The following DYNC1I2 variants were observed in gnomAD, a reference collection of about 807,000 sequenced individuals.
DYNC1I2 encodes cytoplasmic dynein 1 intermediate chain 2.
DYNC1I2 carries 53 observed loss-of-function variants against 88.6 expected under a neutral mutation model. That is an observed-to-expected ratio of 0.60 (90% CI 0.48 to 0.75). The LOEUF (loss-of-function observed/expected upper bound fraction) is 0.75, where lower values mean the gene tolerates loss of function less well. Ranked by LOEUF, DYNC1I2 falls within the 30% of genes least tolerant of loss-of-function variation. DYNC1I2 has a pLI of 0.00. For missense variants in DYNC1I2, 458 were observed against 766.6 expected (o/e 0.60, Z 4.75); for synonymous variants, 198 against 254.6 (o/e 0.78, Z 2.12).
At chr2:171,733,756 A>AG (rs1166369454) in intron 15 of DYNC1I2, among the ~76,000 whole-genome samples, 2 of 136,628 alleles carry the variant, frequency 1.5e-5, no homozygotes, top group Non-Finnish European at 3.2e-5. Flanking sequence ...TTTGTTTTTT[A>AG]GGGGTTTTTT....
intron 17 of DYNC1I2, 54 bp from the exon 18 acceptor site, chr2:171,747,722 G>A: frequency 7.9e-7 from 1 of 1,270,492 alleles, no homozygotes; most frequent in Non-Finnish European, 1.1e-6. Flanking sequence ...AATAATAGTG[G>A]GTAAAATGAT....
chr2:171,696,336 T>G (rs911618351), intron 3 of DYNC1I2, among the ~76,000 whole-genome samples: 1 of 152,148 alleles, frequency 6.6e-6, no homozygotes, highest in African/African-American at 2.4e-5. Flanking sequence ...AAATACTGAT[T>G]AGAGAATTTC....
chr2:171,700,015 G>T (rs1331925635), intron 3 of DYNC1I2, among the ~76,000 whole-genome samples: 3 of 151,962 alleles, frequency 2.0e-5, no homozygotes, highest in African/African-American at 7.3e-5. Context: ...AGTTTCTGCT[G>T]GTCAAGAATT....
chr2:171,732,815 T>G (rs899034422), intron 15 of DYNC1I2, among the ~76,000 whole-genome samples: 24 of 152,232 alleles, frequency 1.6e-4, no homozygotes, highest in African/African-American at 5.5e-4. Flanking sequence ...CACATTTTTG[T>G]TAGATTGTTG....
intron 7 of DYNC1I2, among the ~76,000 whole-genome samples, chr2:171,716,584 A>G (rs1303996555): frequency 6.6e-6 from 1 of 152,204 alleles, no homozygotes; most frequent in Non-Finnish European, 1.5e-5. Flanking sequence ...GAAAATCTTT[A>G]AATTTTCATA....
At chr2:171,700,471 A>C (rs574421293) in intron 3 of DYNC1I2, among the ~76,000 whole-genome samples, 56 of 152,178 alleles carry the variant, frequency 3.7e-4, no homozygotes, top group Non-Finnish European at 6.8e-4. Context: ...TTCAACATTT[A>C]AAAAAATCGT....
At chr2:171,727,500 C>T (rs1172989597) in intron 11 of DYNC1I2, among the ~76,000 whole-genome samples, 4 of 152,110 alleles carry the variant, frequency 2.6e-5, no homozygotes, top group Admixed American at 2.0e-4. Flanking sequence ...TGTTAGATTA[C>T]TGTCAGAGTC....
At chr2:171,708,630 A>T (rs182630803) in intron 5 of DYNC1I2, among the ~76,000 whole-genome samples, 14 of 152,218 alleles carry the variant, frequency 9.2e-5, no homozygotes, top group African/African-American at 3.4e-4. Flanking sequence ...ATTCATTTTT[A>T]TAGGGTTAAA....
intron 15 of DYNC1I2, among the ~76,000 whole-genome samples, chr2:171,737,765 G>C (rs1689112633): frequency 1.3e-5 from 2 of 151,188 alleles, no homozygotes; most frequent in Admixed American, 1.3e-4. Flanking sequence ...AGTGCATCCT[G>C]TTTTTGTCTC....
chr2:171,698,256 C>G (rs938710972), intron 3 of DYNC1I2, among the ~76,000 whole-genome samples: 3 of 152,188 alleles, frequency 2.0e-5, no homozygotes, highest in Non-Finnish European at 4.4e-5. Flanking sequence ...TAAAGGGGAG[C>G]TTTCTCTCAA....
At chr2:171,742,067 G>GA (rs71013069) in intron 15 of DYNC1I2, among the ~76,000 whole-genome samples, 378 of 130,892 alleles carry the variant, frequency 2.9e-3, no homozygotes, top group African/African-American at 9.7e-3. Flanking sequence ...CGCGGTCTCA[G>GA]AAAAAAAAAA....
intron 5 of DYNC1I2, 127 bp downstream of exon 5, chr2:171,707,504 C>A: frequency 1.3e-6 from 1 of 745,062 alleles, no homozygotes; most frequent in Non-Finnish European, 1.9e-6. Flanking sequence ...TCTAAAATGG[C>A]ATAGAAATTC....
Position 171,706,995 on chromosome 2 carries a change from TG to T in DYNC1I2, c.245-291del, listed in dbSNP as rs1203406705. ...TTTGAAAATTAGTGGCCACATTTGG[TG>T]ATGGATGAGATGAAGATGCATCCTT... On this transcript the variant is annotated intron_variant, in intron 4 of 17. Coordinates refer to ENST00000397119, the MANE Select transcript of DYNC1I2 (RefSeq NM_001378.3). The T allele has an allele frequency of 5.9e-6, 3 of 505,326 alleles. No homozygotes were observed. In the African/African-American group the frequency reaches 5.9e-5, roughly 10 times the overall value. 31.3% of individuals were successfully genotyped at this position (505,326 alleles called of 1,614,324 possible). A position where few individuals can be genotyped will look rare whatever the true frequency, so the allele number is the denominator to read the frequency against.
chr2:171,715,529 G>T, intron 7 of DYNC1I2, 86 bp downstream of exon 7: 1 of 964,312 alleles, frequency 1.0e-6, no homozygotes, highest in Non-Finnish European at 1.5e-6. Flanking sequence ...TTTTTGTTTT[G>T]TTTCTTTTTT....
At chr2:171,689,494 A>G (rs1685220415) in intron 1 of DYNC1I2, among the ~76,000 whole-genome samples, 1 of 152,186 alleles carries the variant, frequency 6.6e-6, no homozygotes, top group Non-Finnish European at 1.5e-5. Flanking sequence ...CTAAATGCCA[A>G]ACCATGTCCT....
At chr2:171,714,554 C>T (rs1687353870) in intron 6 of DYNC1I2, among the ~76,000 whole-genome samples, 1 of 152,068 alleles carries the variant, frequency 6.6e-6, no homozygotes, top group Non-Finnish European at 1.5e-5. Flanking sequence ...TAAAAGATCT[C>T]CCAGATAGCT....
At chr2:171,695,449 G>C (rs149457824) in intron 3 of DYNC1I2, among the ~76,000 whole-genome samples, 194 of 152,070 alleles carry the variant, frequency 1.3e-3, no homozygotes, top group African/African-American at 4.5e-3. Flanking sequence ...TGTTTTTCAA[G>C]GTTTCACATA....
rs1237353958 is a variant in DYNC1I2, at chr2:171,687,480, T to G, written c.-157T>G. 6.6e-6 allele frequency: 1 copy of G among 152,158 alleles called. No individual in the cohort carries two copies. The highest frequency in any genetic ancestry group is 1.5e-5 in the Non-Finnish European group (1 of 68,034). The allele number at this position is 152,158 out of a possible 1,614,324, so 9.4% of individuals were successfully genotyped here. ...CGGGGTTTGTAGTTCTTCTCGATCG[T>G]GTCAGTTTGTAAGGCGAGGGCGGAA... On this transcript the variant is annotated 5_prime_UTR_variant, in exon 1 of 18. Transcript: ENST00000397119.
intron 14 of DYNC1I2, among the ~76,000 whole-genome samples, chr2:171,729,312 G>A (rs1014932427): frequency 6.6e-6 from 1 of 152,016 alleles, no homozygotes; most frequent in South Asian, 2.1e-4. Flanking sequence ...TTGTCTAGCT[G>A]TACCTTATTG....
Sources: gnomAD v4.1 joint callset for allele counts (sites outside exome capture counted in the v4.1 genomes callset) on GRCh38, gnomAD v4.1.1 for gene constraint, MANE v1.5 for transcripts, NCBI Gene and HGNC (gene_info 2026-07-23, HGNC 2026-07-21) for gene names.